The following VTI1B variants were observed in gnomAD, a reference collection of about 807,000 sequenced individuals.
VTI1B encodes vesicle transport through interaction with t-SNAREs homolog 1B.
A neutral mutation model predicts 28.6 loss-of-function variants in VTI1B; 18 were observed. That is an observed-to-expected ratio of 0.63 (90% CI 0.43 to 0.93). The LOEUF (loss-of-function observed/expected upper bound fraction) is 0.93. VTI1B is among the 40% of genes least tolerant of loss of function. VTI1B has a pLI of 0.00. For missense variants in VTI1B, 283 were observed against 297.0 expected (o/e 0.95, Z 0.35); for synonymous variants, 100 against 107.9 (o/e 0.93, Z 0.46).
At chr14:67,652,871 G>A (rs561014862) in intron 5 of VTI1B, among the ~76,000 whole-genome samples, 2 of 152,090 alleles carry the variant, frequency 1.3e-5, no homozygotes, top group South Asian at 4.1e-4. Context: ...TCGGCTCACT[G>A]CAACCTCCAC....
In VTI1B at chr14:67,651,424, C is replaced by T; in HGVS notation, c.660G>A (p.Leu220=). ...AGAATTTGTAGTAAACCAGGCCTCCCAGGATGGCGAGCTCCAGTAAGATGA... is the reference window on the plus strand; with the variant it reads ...AGAATTTGTAGTAAACCAGGCCTCCTAGGATGGCGAGCTCCAGTAAGATGA... ...SIIILLELAI[L]GGLVYYKFFR... The change falls in exon 6 of 6, where the codon CTG becomes CTA. Residue 220 remains leucine, a synonymous_variant. Transcript: ENST00000554659. 1 of 1,614,012 alleles carries T rather than the reference C, an allele frequency of 6.2e-7. No homozygotes were observed. Among genetic ancestry groups the T allele is most frequent in the Non-Finnish European group, 8.5e-7 (1 of 1,179,904 alleles).
intron 1 of VTI1B, among the ~76,000 whole-genome samples, chr14:67,669,867 A>T (rs1049589762): frequency 3.3e-5 from 5 of 152,240 alleles, no homozygotes; most frequent in Admixed American, 2.6e-4. Context: ...TAAGAGGCTG[A>T]GGTGGGTGGA....
chr14:67,650,955 A>T lies in VTI1B; in HGVS notation c.*430T>A. The T allele has an allele frequency of 1.3e-6, 2 of 1,595,134 alleles. No individual in the cohort carries two copies. The highest frequency in any genetic ancestry group is 1.7e-6 in the Non-Finnish European group (2 of 1,165,274). On this transcript the variant is annotated 3_prime_UTR_variant, in exon 6 of 6. Coordinates refer to ENST00000554659, the MANE Select transcript of VTI1B (RefSeq NM_006370.3). ...TGCACTGACATGTTTCACAACAGGC[A>T]TTCCAGAATTATGAGGCATTGAGGG...
At chr14:67,656,202 C>T (rs565710964) in intron 4 of VTI1B, among the ~76,000 whole-genome samples, 1 of 150,426 alleles carries the variant, frequency 6.6e-6, no homozygotes, top group African/African-American at 2.4e-5. Context: ...GTGGAGATCA[C>T]GCCACTGCAC....
intron 1 of VTI1B, among the ~76,000 whole-genome samples, chr14:67,670,682 C>A (rs1171939977): frequency 6.6e-6 from 1 of 152,112 alleles, no homozygotes; most frequent in Non-Finnish European, 1.5e-5. Flanking sequence ...GCACATGCCA[C>A]CACACCCAGC....
At chr14:67,663,803 C>T (rs1274629717) in intron 1 of VTI1B, among the ~76,000 whole-genome samples, 1 of 152,184 alleles carries the variant, frequency 6.6e-6, no homozygotes, top group Non-Finnish European at 1.5e-5. Context: ...GGCATACAAG[C>T]ACCTTTTCTG....
chr14:67,658,421 C>T (rs982496321), intron 3 of VTI1B, among the ~76,000 whole-genome samples: 3 of 151,798 alleles, frequency 2.0e-5, no homozygotes, highest in Non-Finnish European at 2.9e-5. Flanking sequence ...GGTGAAACCC[C>T]GTCTCTACTA....
At chr14:67,660,066 G>A in intron 2 of VTI1B, 144 bp from the exon 3 acceptor site, 1 of 818,552 alleles carries the variant, frequency 1.2e-6, no homozygotes, top group East Asian at 2.8e-5. Context: ...CAGGGACCAT[G>A]TCTGGCATGT....
chr14:67,656,465 A>G lies in VTI1B; in HGVS notation c.491T>C (p.Ile164Thr), dbSNP rs754144567. The G allele has an allele frequency of 2.6e-5, 42 of 1,613,324 alleles. No individual in the cohort carries two copies. Among genetic ancestry groups the G allele is most frequent in the South Asian group, 6.6e-5 (6 of 91,012 alleles). ...GTCTCGTTGTTCCCCCAGCTCTTCT[A>G]TGATTTCTGAGCCAATCTGGTCAGT... ...TETDQIGSEIIEELGEQRDQL... is the reference protein window; with the variant it reads ...TETDQIGSEITEELGEQRDQL... Residue 164 changes from isoleucine to threonine, a missense_variant, in exon 4 of 6, where the codon ATA becomes ACA. Physicochemically the swap from Ile to Thr is moderately conservative, Grantham distance 89. Transcript: ENST00000554659.
chr14:67,653,584 A>ATAAT, intron 4 of VTI1B, 86 bp from the exon 5 acceptor site: 1 of 1,213,528 alleles, frequency 8.2e-7, no homozygotes, highest in Non-Finnish European at 1.2e-6. Flanking sequence ...GTAGGCATTA[A>ATAAT]GGGATATATG....
intron 5 of VTI1B, chr14:67,651,700 G>C (rs1477629888): frequency 5.1e-6 from 2 of 390,256 alleles, no homozygotes; most frequent in Non-Finnish European, 9.0e-6. Context: ...AAAAACCAAA[G>C]CATAAAAATG....
chr14:67,663,286 GT>G, intron 1 of VTI1B: 1 of 811,418 alleles, frequency 1.2e-6, no homozygotes, highest in South Asian at 1.8e-5. Context: ...TATACTACAG[GT>G]TTTCCATCTA....
intron 1 of VTI1B, among the ~76,000 whole-genome samples, chr14:67,666,265 T>G (rs2037401045): frequency 6.6e-6 from 1 of 152,174 alleles, no homozygotes; most frequent in Non-Finnish European, 1.5e-5. Context: ...GGTATGAAAA[T>G]CCGCATTCTC....
At chr14:67,661,908 G>C (rs1223406952) in intron 2 of VTI1B, among the ~76,000 whole-genome samples, 2 of 152,092 alleles carry the variant, frequency 1.3e-5, no homozygotes, top group Non-Finnish European at 1.5e-5. Flanking sequence ...TGTAATCCCT[G>C]TACTTTGGGA....
chr14:67,672,431 T>A (rs1009775204), intron 1 of VTI1B, among the ~76,000 whole-genome samples: 2 of 134,264 alleles, frequency 1.5e-5, no homozygotes, highest in Non-Finnish European at 1.6e-5. Flanking sequence ...CAGTCTACTT[T>A]TTTTTCTTTT....
At position 67,648,557 on chromosome 14, in the gene VTI1B, G is replaced by A. The variant is rs1227214038; in HGVS notation, c.*2828C>T. On this transcript the variant is annotated 3_prime_UTR_variant, in exon 6 of 6. Transcript: ENST00000554659. Reference sequence around the variant, plus strand: ...TTGCACTCTAAGAGATTGGTTCATTGGGAGTTGTGAATTTGGAGCTAAAGC... The same window carrying A: ...TTGCACTCTAAGAGATTGGTTCATTAGGAGTTGTGAATTTGGAGCTAAAGC... The A allele has an allele frequency of 6.3e-6, 1 of 159,656 alleles. No individual in the cohort carries two copies. The highest frequency in any genetic ancestry group is 1.4e-5 in the Non-Finnish European group (1 of 73,174). The allele number at this position is 159,656 out of a possible 1,614,324, so 9.9% of individuals were successfully genotyped here.
rs141432809 is a variant in VTI1B at position 67,650,870 on chromosome 14, A to T, written c.*515T>A. ...GCATATTGTCTATGACCAACTTCCT[A>T]CTCCCAGTTCACCAGATGAATCAGA... On this transcript the variant is annotated 3_prime_UTR_variant, in exon 6 of 6. Transcript: ENST00000554659. 9.4e-4 allele frequency: 1,520 copies of T among 1,614,156 alleles called. 3 individuals are homozygous for T. The highest frequency in any genetic ancestry group is 1.2e-3 in the Admixed American group (71 of 60,014).
In VTI1B at chr14:67,655,146, CT is replaced by C. The variant is rs1475575184; in HGVS notation, c.540+1269del. On this transcript the variant is annotated intron_variant, in intron 4 of 5. Coordinates refer to ENST00000554659, the MANE Select transcript of VTI1B (RefSeq NM_006370.3). ...CTTGAGCCCAGGAGTTCGAGAGCAA[CT>C]TTGGCAACATAATGAGACCCCGTTT... is the stretch of plus-strand genomic sequence containing the variant. 4.0e-5 allele frequency among the ~76,000 whole-genome samples: 6 copies of C among 151,158 alleles called. No individual in the cohort carries two copies. The East Asian group carries it at 1.2e-3, about 29-fold the overall frequency.
chr14:67,664,954 A>C (rs893670228), intron 1 of VTI1B, among the ~76,000 whole-genome samples: 4 of 151,216 alleles, frequency 2.6e-5, no homozygotes, highest in African/African-American at 9.7e-5. Context: ...GCAAACTCCA[A>C]CTCCTGGGTT....
Sources: allele counts gnomAD v4.1 joint callset (sites outside exome capture counted in the v4.1 genomes callset), GRCh38; gene constraint gnomAD v4.1.1; transcripts MANE v1.5; gene names NCBI Gene and HGNC (gene_info 2026-07-23, HGNC 2026-07-21).